LOXHD1: variants seen among roughly 807,000 people sequenced by gnomAD.
LOXHD1 encodes the protein lipoxygenase homology domain-containing protein 1.
In LOXHD1, 205 loss-of-function variants were observed where a neutral mutation model predicts 248.2. The observed-to-expected ratio is 0.83, with a 90% CI of 0.74 to 0.93. The LOEUF (loss-of-function observed/expected upper bound fraction) is 0.93. LOXHD1 is among the 40% of genes least tolerant of loss of function. The probability of loss-of-function intolerance (pLI) is 0.00; values close to 1 mark genes in which losing one functional copy is unlikely to be tolerated. For missense variants in LOXHD1, 2,930 were observed against 2,971.6 expected, an observed-to-expected ratio of 0.99 and a Z score of 0.33; for synonymous variants, 1,113 against 1,162.8, an observed-to-expected ratio of 0.96 and a Z score of 0.87.
rs920654744 is a variant in LOXHD1 at position 46,566,305 on chromosome 18, G to T, written c.2389C>A (p.Arg797Ser). ...RWLDKNQADGRLEVELYPSEV... is the reference protein window; with the variant it reads ...RWLDKNQADGSLEVELYPSEV... ...CTGGGATACAGCTCCACCTCCAGGC[G>T]CCCGTCAGCCTGGTTCTTGTCCAGC... The change falls in exon 17 of 41, where the codon CGC (arginine) becomes AGC (serine). Residue 797 changes from arginine to serine, a missense_variant. Arg to Ser is a moderately radical substitution (Grantham distance 110). Transcript: ENST00000642948. 2.6e-6 allele frequency: 4 copies of T among 1,551,634 alleles called. No individual in the cohort carries two copies. The highest frequency in any genetic ancestry group is 3.5e-6 in the Non-Finnish European group (4 of 1,146,932).
chr18:46,637,796 G>A (rs2038911923), intron 4 of LOXHD1, among the ~76,000 whole-genome samples: 2 of 152,170 alleles, frequency 1.3e-5, no homozygotes, highest in African/African-American at 2.4e-5. Flanking sequence ...CCCTTACACA[G>A]CTGGTAATAC....
intron 34 of LOXHD1, among the ~76,000 whole-genome samples, chr18:46,510,603 C>A (rs528911375): frequency 6.6e-6 from 1 of 152,264 alleles, no homozygotes; most frequent in African/African-American, 2.4e-5. Context: ...GCAGGTGGCA[C>A]TGGAGATGTG....
At chr18:46,535,967 C>T (rs1368739215) in intron 26 of LOXHD1, among the ~76,000 whole-genome samples, 1 of 152,172 alleles carries the variant, frequency 6.6e-6, no homozygotes, top group Non-Finnish European at 1.5e-5. Flanking sequence ...AGGACATCAA[C>T]ATCAGAAGGG....
chr18:46,537,763 A>T (rs1868712), intron 26 of LOXHD1, among the ~76,000 whole-genome samples: 48,370 of 152,096 alleles, frequency 0.32, 9,443 homozygotes, highest in East Asian at 0.58. Flanking sequence ...GCCCATGACC[A>T]CTGGTGGTGG....
At chr18:46,609,071 T>C (rs2038465361) in intron 6 of LOXHD1, among the ~76,000 whole-genome samples, 1 of 152,244 alleles carries the variant, frequency 6.6e-6, no homozygotes, top group Non-Finnish European at 1.5e-5. Context: ...TAAGGCATCA[T>C]TTGCCAGAAA....
At chr18:46,638,754 A>T (rs1384987498) in intron 4 of LOXHD1, among the ~76,000 whole-genome samples, 1 of 152,220 alleles carries the variant, frequency 6.6e-6, no homozygotes, top group African/African-American at 2.4e-5. Flanking sequence ...AAAATTGGAG[A>T]TACAGAAATT....
At chr18:46,483,284 G>C (rs1458480282) in intron 40 of LOXHD1, among the ~76,000 whole-genome samples, 1 of 152,152 alleles carries the variant, frequency 6.6e-6, no homozygotes, top group Non-Finnish European at 1.5e-5. Context: ...GAAAGTCTCT[G>C]CTCTCTGGCA....
At position 46,489,190 on chromosome 18, in the gene LOXHD1, C is replaced by T. The variant is rs999479750; in HGVS notation, c.5879-48G>A. ...GTTGGAAGCTGGATGTGCCTTCCCT[C>T]CCCTTTCAGACTTCTACATCCCCAC... On this transcript the variant is annotated intron_variant, in intron 37 of 40. Transcript: ENST00000642948. The T allele has an allele frequency of 3.2e-6, 5 of 1,541,618 alleles. No individual in the cohort carries two copies. The African/African-American group carries it at 5.5e-5, about 17-fold the overall frequency.
intron 4 of LOXHD1, among the ~76,000 whole-genome samples, chr18:46,620,336 C>T (rs1321609698): frequency 6.6e-6 from 1 of 152,174 alleles, no homozygotes; most frequent in Non-Finnish European, 1.5e-5. Context: ...GGCCCCTTGT[C>T]TGGTGAAGCC....
chr18:46,519,307 T>C (rs2035444626), intron 33 of LOXHD1, among the ~76,000 whole-genome samples: 1 of 152,132 alleles, frequency 6.6e-6, no homozygotes, highest in South Asian at 2.1e-4. Flanking sequence ...CATTCCTCTA[T>C]CACCTGTGCA....
At chr18:46,503,803 G>A (rs541194096) in intron 37 of LOXHD1, among the ~76,000 whole-genome samples, 1 of 152,196 alleles carries the variant, frequency 6.6e-6, no homozygotes, top group South Asian at 2.1e-4. Flanking sequence ...GATATTGGGG[G>A]GTGTAGCAAA....
intron 12 of LOXHD1, among the ~76,000 whole-genome samples, chr18:46,582,245 G>T (rs1028279077): frequency 6.6e-6 from 1 of 152,118 alleles, no homozygotes; most frequent in Admixed American, 6.6e-5. Context: ...AATATGTAAA[G>T]ATGCAATTTA....
intron 1 of LOXHD1, 126 bp from the exon 2 acceptor site, chr18:46,649,395 T>A (rs78039210): frequency 4.0e-5 from 29 of 731,628 alleles, no homozygotes; most frequent in Non-Finnish European, 5.3e-5. Flanking sequence ...CCCTGCTGCA[T>A]CCTGTAGGCC....
chr18:46,500,436 A>G (rs2034154014), intron 37 of LOXHD1, among the ~76,000 whole-genome samples: 1 of 152,202 alleles, frequency 6.6e-6, no homozygotes, highest in Non-Finnish European at 1.5e-5. Flanking sequence ...ACCTTTAACA[A>G]GTCCTTTGCC....
chr18:46,577,918 C>G (rs940155808), intron 13 of LOXHD1, 51 bp from the exon 14 acceptor site: 1 of 1,541,840 alleles, frequency 6.5e-7, no homozygotes, highest in Non-Finnish European at 8.8e-7. Context: ...CCCCAGGACC[C>G]AAACACCAAG....
intron 14 of LOXHD1, among the ~76,000 whole-genome samples, chr18:46,574,235 G>T (rs2037810071): frequency 6.6e-6 from 1 of 152,052 alleles, no homozygotes; most frequent in East Asian, 1.9e-4. Flanking sequence ...TACTTTCAGG[G>T]TATTAATAGA....
At chr18:46,477,034 T>C, downstream of LOXHD1, 1 of 629,490 alleles carries the variant, frequency 1.6e-6, no homozygotes, top group Non-Finnish European at 2.9e-6. Flanking sequence ...AAGCAGATGC[T>C]AAGATGAGTT....
At chr18:46,602,921 G>A (rs994906314) in intron 7 of LOXHD1, among the ~76,000 whole-genome samples, 1 of 152,136 alleles carries the variant, frequency 6.6e-6, no homozygotes, top group African/African-American at 2.4e-5. Context: ...ACCACTAGGA[G>A]ACATATAATA....
chr18:46,655,380 G>A (rs998491781), intron 1 of LOXHD1, among the ~76,000 whole-genome samples: 4 of 152,156 alleles, frequency 2.6e-5, no homozygotes, highest in Non-Finnish European at 5.9e-5. Flanking sequence ...TGGCCACACT[G>A]AGGCATGCAG....
Sources: allele counts gnomAD v4.1 joint callset (sites outside exome capture counted in the v4.1 genomes callset), GRCh38; gene constraint gnomAD v4.1.1; transcripts MANE v1.5; gene names NCBI Gene and HGNC (gene_info 2026-07-23, HGNC 2026-07-21).